PCDH15: variants seen among roughly 807,000 people sequenced by gnomAD.
PCDH15 encodes the protein protocadherin related 15, also known as protocadherin-15.
A neutral mutation model predicts 178.5 loss-of-function variants in PCDH15; 129 were observed. The ratio of observed to expected loss-of-function variants is 0.72; its 90% CI spans 0.63 to 0.84. The LOEUF is 0.84. PCDH15 is among the 40% of genes least tolerant of loss of function. The pLI, the probability that PCDH15 is intolerant of heterozygous loss-of-function variation, is 0.00. For synonymous variants in PCDH15, 800 were observed against 732.0 expected (o/e 1.09, Z -1.50); for missense variants, 2,230 against 2,099.9 (o/e 1.06, Z -1.21).
At chr10:55,304,594 T>A (rs1235914017) in intron 1 of PCDH15, among the ~76,000 whole-genome samples, 2 of 152,162 alleles carry the variant, frequency 1.3e-5, no homozygotes, top group African/African-American at 4.8e-5. Flanking sequence ...CTTTTATAAG[T>A]CCTTCAGAAA....
At chr10:55,129,331 A>T (rs191304096) in intron 2 of PCDH15, among the ~76,000 whole-genome samples, 1 of 152,242 alleles carries the variant, frequency 6.6e-6, no homozygotes, top group East Asian at 1.9e-4. Context: ...AAATTAGGTC[A>T]CAAAAGAGTC....
intron 5 of PCDH15, among the ~76,000 whole-genome samples, chr10:54,365,906 T>A (rs1015636326): frequency 6.6e-6 from 1 of 152,096 alleles, no homozygotes. Flanking sequence ...TAGAAGAACA[T>A]GTTTACGAAG....
intron 2 of PCDH15, among the ~76,000 whole-genome samples, chr10:54,971,958 C>T (rs755471179): frequency 6.4e-4 from 97 of 152,206 alleles, no homozygotes; most frequent in Non-Finnish European, 1.0e-3. Context: ...CCCACCTTCC[C>T]CAGGCAGGAC....
intron 2 of PCDH15, among the ~76,000 whole-genome samples, chr10:54,550,664 C>G (rs1485745640): frequency 2.0e-5 from 3 of 152,120 alleles, no homozygotes; most frequent in Admixed American, 6.5e-5. Context: ...TATGCAAGTA[C>G]CTATAAATGT....
At chr10:55,362,666 A>G (rs1203348499) in intron 2 of PCDH15, among the ~76,000 whole-genome samples, 1 of 152,066 alleles carries the variant, frequency 6.6e-6, no homozygotes, top group East Asian at 1.9e-4. Flanking sequence ...GTGTGTGCAC[A>G]TGCATGTGTG....
intron 3 of PCDH15, among the ~76,000 whole-genome samples, chr10:54,451,826 AAACTGATTATGC>A (rs1341608716): frequency 6.6e-6 from 1 of 151,950 alleles, no homozygotes; most frequent in African/African-American, 2.4e-5. Context: ...ATCAAGCTGA[AAACTGATTATGC>A]AACTTTTTGT....
intron 21 of PCDH15, among the ~76,000 whole-genome samples, chr10:53,962,966 A>T (rs1337310158): frequency 6.6e-6 from 1 of 152,184 alleles, no homozygotes; most frequent in Non-Finnish European, 1.5e-5. Context: ...AGTATGTGGT[A>T]AAGTTTTACT....
chr10:54,040,669 G>A (rs895164957), intron 18 of PCDH15, among the ~76,000 whole-genome samples: 8 of 151,816 alleles, frequency 5.3e-5, no homozygotes, highest in Non-Finnish European at 1.0e-4. Context: ...TATAATAAAG[G>A]GTACTTGTTT....
At chr10:54,682,334 C>G (rs1038565880) in intron 1 of PCDH15, among the ~76,000 whole-genome samples, 12 of 152,108 alleles carry the variant, frequency 7.9e-5, no homozygotes, top group African/African-American at 2.7e-4. Flanking sequence ...AATGAAACTT[C>G]TCTTTCTCTT....
intron 1 of PCDH15, among the ~76,000 whole-genome samples, chr10:55,299,074 T>C (rs1843205080): frequency 6.6e-6 from 1 of 152,188 alleles, no homozygotes; most frequent in Admixed American, 6.5e-5. Flanking sequence ...CTTCACTGTA[T>C]ATCTGAATCT....
intron 1 of PCDH15, among the ~76,000 whole-genome samples, chr10:54,769,437 C>G (rs561113917): frequency 6.6e-6 from 1 of 150,566 alleles, no homozygotes; most frequent in South Asian, 2.1e-4. Context: ...CAGGAACATC[C>G]TGAGATTTTT....
intron 9 of PCDH15, among the ~76,000 whole-genome samples, chr10:54,230,806 T>C (rs1400087824): frequency 6.6e-6 from 1 of 152,184 alleles, no homozygotes; most frequent in African/African-American, 2.4e-5. Context: ...ATTTATGTTT[T>C]AGTATGTAAC....
At chr10:54,877,045 C>G (rs2131801498) in intron 3 of PCDH15, among the ~76,000 whole-genome samples, 1 of 152,258 alleles carries the variant, frequency 6.6e-6, no homozygotes, top group Middle Eastern at 3.4e-3. Flanking sequence ...CAGCTTTTAG[C>G]AACTACACTC....
intron 2 of PCDH15, among the ~76,000 whole-genome samples, chr10:55,083,383 G>C (rs990290138): frequency 1.3e-5 from 2 of 151,812 alleles, no homozygotes; most frequent in African/African-American, 4.8e-5. Flanking sequence ...TAAAAAAGCT[G>C]CACAGAGTAT....
At chr10:55,160,302 C>G (rs917621535) in intron 2 of PCDH15, among the ~76,000 whole-genome samples, 1 of 151,528 alleles carries the variant, frequency 6.6e-6, no homozygotes, top group Admixed American at 6.6e-5. Context: ...CGGGAGGCAG[C>G]CCTGACATGT....
chr10:54,784,269 G>A (rs1442746330), intron 1 of PCDH15, among the ~76,000 whole-genome samples: 2 of 150,786 alleles, frequency 1.3e-5, no homozygotes, highest in African/African-American at 2.4e-5. Flanking sequence ...AAGACCACTT[G>A]TACACCTAAA....
intron 1 of PCDH15, among the ~76,000 whole-genome samples, chr10:54,754,982 T>A (rs964257001): frequency 8.1e-6 from 1 of 123,054 alleles, no homozygotes; most frequent in Non-Finnish European, 1.6e-5. Flanking sequence ...ACAGACTCAC[T>A]CTGTCACCCA....
intron 28 of PCDH15, among the ~76,000 whole-genome samples, chr10:53,842,407 G>A (rs948166398): frequency 4.6e-5 from 7 of 152,020 alleles, no homozygotes; most frequent in Non-Finnish European, 7.4e-5. Context: ...CACCACACCT[G>A]GCTAATTTTT....
chr10:54,233,950 C>T lies in PCDH15; in HGVS notation c.985+2873G>A, dbSNP rs142730746. Reference sequence around the variant, plus strand: ...TGACCTCGTCATAGACATCAGCATCCGTATCCTCACATATAGTAAACAGAG... The same window carrying T: ...TGACCTCGTCATAGACATCAGCATCTGTATCCTCACATATAGTAAACAGAG... On this transcript the variant is annotated intron_variant, in intron 9 of 37. Transcript: ENST00000644397. Among the ~76,000 whole-genome samples, 792 of 152,202 alleles carry T rather than the reference C, an allele frequency of 5.2e-3. 6 individuals are homozygous for T. Among genetic ancestry groups the T allele is most frequent in the Non-Finnish European group, 5.6e-3 (383 of 68,020 alleles).
Sources: allele counts gnomAD v4.1 joint callset (sites outside exome capture counted in the v4.1 genomes callset), GRCh38; gene constraint gnomAD v4.1.1; transcripts MANE v1.5; gene names NCBI Gene and HGNC (gene_info 2026-07-23, HGNC 2026-07-21).